The following PPM1E variants were observed in gnomAD, a reference collection of about 807,000 sequenced individuals.
The protein encoded by PPM1E is protein phosphatase 1E.
Under a neutral mutation model 65.9 loss-of-function variants are expected in PPM1E, and 20 were observed. The ratio of observed to expected loss-of-function variants is 0.30; its 90% CI spans 0.21 to 0.44. PPM1E has a LOEUF of 0.44. Ranked by LOEUF, PPM1E falls within the 20% of genes least tolerant of loss-of-function variation. The pLI is 1.00. For synonymous variants in PPM1E, 352 were observed against 374.9 expected, an observed-to-expected ratio of 0.94 and a Z score of 0.70; for missense variants, 713 against 953.1, an observed-to-expected ratio of 0.75 and a Z score of 3.32.
chr17:58,824,241 C>CT (rs998247302), intron 1 of PPM1E, among the ~76,000 whole-genome samples: 1 of 152,044 alleles, frequency 6.6e-6, no homozygotes, highest in African/African-American at 2.4e-5. Context: ...TAATTTAAAA[C>CT]TTTTTTTCTC....
intron 1 of PPM1E, among the ~76,000 whole-genome samples, chr17:58,911,617 T>C (rs1216184028): frequency 6.6e-6 from 1 of 152,222 alleles, no homozygotes; most frequent in African/African-American, 2.4e-5. Flanking sequence ...GGTTTATTGT[T>C]CTTGTTAAAA....
intron 2 of PPM1E, among the ~76,000 whole-genome samples, chr17:58,961,188 A>T (rs1189414103): frequency 6.6e-6 from 1 of 152,248 alleles, no homozygotes; most frequent in African/African-American, 2.4e-5. Context: ...ATAGAAATAG[A>T]TGCTGAGATG....
intron 1 of PPM1E, among the ~76,000 whole-genome samples, chr17:58,909,379 C>G (rs2051596635): frequency 6.6e-6 from 1 of 152,248 alleles, no homozygotes; most frequent in South Asian, 2.1e-4. Context: ...GCCTCAGCCT[C>G]CTTAGTAGCT....
Position 58,980,639 on chromosome 17 carries a change from T to C in PPM1E, c.1876T>C (p.Phe626Leu). 1 of 1,613,978 alleles carries C rather than the reference T, an allele frequency of 6.2e-7. No individual in the cohort carries two copies. Among genetic ancestry groups the C allele is most frequent in the Middle Eastern group, 1.6e-4 (1 of 6,062 alleles). Residue 626 changes from phenylalanine (F) to leucine (L), a missense_variant, in exon 7 of 7, where the codon TTT becomes CTT. Transcript: ENST00000308249. The surrounding 1 kb of genome is among the most constrained non-coding windows in gnomAD (Gnocchi z 4.7). ...SLPEWSGAGE[F>L]PTAFNLGSTG... ...GCCTGAATGGAGTGGTGCTGGAGAGTTTCCCACTGCTTTCAATTTGGGTTC... is the reference window on the plus strand; with the variant it reads ...GCCTGAATGGAGTGGTGCTGGAGAGCTTCCCACTGCTTTCAATTTGGGTTC...
At chr17:58,882,626 A>G (rs2051209892) in intron 1 of PPM1E, among the ~76,000 whole-genome samples, 1 of 152,034 alleles carries the variant, frequency 6.6e-6, no homozygotes, top group African/African-American at 2.4e-5. Context: ...CCTGACCTCA[A>G]GTGATCCGCT....
chr17:58,889,255 C>T (rs1017412883), intron 1 of PPM1E, among the ~76,000 whole-genome samples: 1 of 152,136 alleles, frequency 6.6e-6, no homozygotes, highest in African/African-American at 2.4e-5. Flanking sequence ...ATTGGAATCA[C>T]TTTCAGAAAA....
At chr17:58,771,526 A>C (rs1489126564) in intron 1 of PPM1E, among the ~76,000 whole-genome samples, 1 of 151,740 alleles carries the variant, frequency 6.6e-6, no homozygotes, top group Non-Finnish European at 1.5e-5. Flanking sequence ...CAGGAGGCTG[A>C]GGCAGGAGAA....
At chr17:58,979,926 C>G in intron 6 of PPM1E, 48 bp from the exon 7 acceptor site, 1 of 1,460,206 alleles carries the variant, frequency 6.8e-7, no homozygotes, top group Non-Finnish European at 9.4e-7. Flanking sequence ...TCTTAGCATG[C>G]AAGGTAAAAC....
chr17:58,793,530 G>C (rs904177153), intron 1 of PPM1E, among the ~76,000 whole-genome samples: 3 of 150,784 alleles, frequency 2.0e-5, no homozygotes, highest in Non-Finnish European at 4.4e-5. Flanking sequence ...TAATTTTTTT[G>C]TATTTTTAGT....
chr17:58,827,911 A>AT lies in PPM1E; in HGVS notation c.464+71450_464+71451insT, dbSNP rs1555612493. Among the ~76,000 whole-genome samples the AT allele has an allele frequency of 3.1e-3, 450 of 144,698 alleles. 12 individuals are homozygous for AT. In the East Asian group the frequency reaches 0.049, roughly 16 times the overall value. The allele number at this position is 144,698 out of a possible 152,430, so 94.9% of individuals were successfully genotyped here. A position where few individuals can be genotyped will look rare whatever the true frequency, so the allele number is the denominator to read the frequency against. On this transcript the variant is annotated intron_variant, in intron 1 of 6. Transcript: ENST00000308249. ...AGCGAGACTCCATCTCAAAAAAAAA[A>AT]AATAATAATAATAATAATAATAATT...
At chr17:58,835,705 A>G (rs531529246) in intron 1 of PPM1E, among the ~76,000 whole-genome samples, 1 of 151,878 alleles carries the variant, frequency 6.6e-6, no homozygotes, top group Non-Finnish European at 1.5e-5. Flanking sequence ...TATCTCTACA[A>G]AAAATTTTAA....
intron 1 of PPM1E, among the ~76,000 whole-genome samples, chr17:58,907,636 C>T (rs1158007542): frequency 2.6e-5 from 4 of 152,160 alleles, no homozygotes; most frequent in African/African-American, 7.2e-5. Flanking sequence ...CCTTGTTGTT[C>T]TACCAGTTTT....
chr17:58,883,220 A>C (rs1482550541), intron 1 of PPM1E, among the ~76,000 whole-genome samples: 16 of 151,708 alleles, frequency 1.1e-4, no homozygotes, highest in South Asian at 6.2e-4. Context: ...TGGCCTCCCA[A>C]AGTGCTGGAT....
At position 58,767,799 on chromosome 17, in the gene PPM1E, C is replaced by T. The variant is rs1051940835; in HGVS notation, c.464+11338C>T. ...CTGGGATTACAGGCATGCACCACCA[C>T]GCTGGGCTAATTTTGTATTTTTAGT... On this transcript the variant is annotated intron_variant, in intron 1 of 6. Coordinates refer to ENST00000308249, the MANE Select transcript of PPM1E (RefSeq NM_014906.5). Among the ~76,000 whole-genome samples the T allele has an allele frequency of 2.1e-4, 32 of 151,808 alleles. 1 individual carries two copies. Among genetic ancestry groups the T allele is most frequent in the Non-Finnish European group, 5.9e-5 (4 of 67,968 alleles).
chr17:58,949,725 C>T (rs2143627707), intron 1 of PPM1E, among the ~76,000 whole-genome samples: 1 of 152,246 alleles, frequency 6.6e-6, no homozygotes, highest in South Asian at 2.1e-4. Flanking sequence ...CACATATCTT[C>T]ATGAGGGCAG....
At chr17:58,873,890 C>T (rs924179415) in intron 1 of PPM1E, among the ~76,000 whole-genome samples, 1 of 151,488 alleles carries the variant, frequency 6.6e-6, no homozygotes, top group Admixed American at 6.6e-5. Flanking sequence ...AACCACCGTG[C>T]CCGGCCTAGT....
intron 1 of PPM1E, among the ~76,000 whole-genome samples, chr17:58,887,419 G>A (rs1463234033): frequency 2.0e-5 from 3 of 151,944 alleles, no homozygotes; most frequent in Non-Finnish European, 4.4e-5. Context: ...TGCCCGTCTC[G>A]GCCTCCCAAT....
chr17:58,910,408 C>T (rs1393474749), intron 1 of PPM1E, among the ~76,000 whole-genome samples: 5 of 152,080 alleles, frequency 3.3e-5, no homozygotes, highest in African/African-American at 4.8e-5. Context: ...ATGTTGTCTA[C>T]GTTATCCATT....
At chr17:58,814,576 A>G (rs1225997506) in intron 1 of PPM1E, among the ~76,000 whole-genome samples, 2 of 152,212 alleles carry the variant, frequency 1.3e-5, no homozygotes, top group Non-Finnish European at 2.9e-5. Context: ...TACAGATAAT[A>G]CCTTTTCAGT....
Sources: allele counts gnomAD v4.1 joint callset (sites outside exome capture counted in the v4.1 genomes callset), GRCh38; gene constraint gnomAD v4.1.1; non-coding constraint Gnocchi (gnomAD v3.1); transcripts MANE v1.5; gene names NCBI Gene and HGNC (gene_info 2026-07-23, HGNC 2026-07-21).